Variants in FOXO1 observed in about 807,000 individuals in gnomAD.
FOXO1 encodes forkhead box O1.
A neutral mutation model predicts 44.1 loss-of-function variants in FOXO1; 6 were observed. The observed-to-expected ratio is 0.14, with a 90% CI of 0.07 to 0.27. The LOEUF is 0.27. Among genes scored for constraint, FOXO1 ranks in the 10% least tolerant of loss-of-function variants. FOXO1 has a pLI of 1.00. For missense variants in FOXO1, 737 were observed against 888.8 expected, an observed-to-expected ratio of 0.83 and a Z score of 2.17; for synonymous variants, 380 against 362.7, an observed-to-expected ratio of 1.05 and a Z score of -0.54.
At chr13:40,619,619 C>T in intron 1 of FOXO1, 4 of 1,541,032 alleles carry the variant, frequency 2.6e-6, no homozygotes, top group Non-Finnish European at 3.6e-6. Flanking sequence ...TCATCTAGTC[C>T]TGTGGCTAGG....
chr13:40,639,072 T>C (rs1007452614), intron 1 of FOXO1, among the ~76,000 whole-genome samples: 26 of 152,074 alleles, frequency 1.7e-4, no homozygotes, highest in African/African-American at 6.3e-4. Flanking sequence ...TGCGTGCCTG[T>C]AATCCCAGCT....
intron 1 of FOXO1, among the ~76,000 whole-genome samples, chr13:40,603,292 A>T (rs1227002462): frequency 6.7e-6 from 1 of 150,204 alleles, no homozygotes; most frequent in African/African-American, 2.5e-5. Flanking sequence ...TTAGGTGGAA[A>T]GGTGTTATCC....
chr13:40,611,641 T>C (rs1377321948), intron 1 of FOXO1, among the ~76,000 whole-genome samples: 2 of 152,182 alleles, frequency 1.3e-5, no homozygotes, highest in Admixed American at 6.5e-5. Flanking sequence ...ATGGATGGCA[T>C]GATAGGGAAA....
chr13:40,606,815 G>C (rs979585594), intron 1 of FOXO1, among the ~76,000 whole-genome samples: 1 of 152,098 alleles, frequency 6.6e-6, no homozygotes, highest in Non-Finnish European at 1.5e-5. Context: ...GCAGGTCCCT[G>C]CAACTCCCAC....
intron 1 of FOXO1, chr13:40,621,395 T>C (rs939429539): frequency 5.4e-5 from 17 of 315,846 alleles, no homozygotes; most frequent in Middle Eastern, 4.0e-4. Flanking sequence ...TAGAACTGAA[T>C]GTTCAAGCAT....
chr13:40,578,762 T>A (rs983752395), intron 1 of FOXO1, among the ~76,000 whole-genome samples: 1 of 152,170 alleles, frequency 6.6e-6, no homozygotes, highest in African/African-American at 2.4e-5. Context: ...AACTGTACAG[T>A]TTTTTAGAGC....
At chr13:40,595,144 G>A (rs534325598) in intron 1 of FOXO1, among the ~76,000 whole-genome samples, 5 of 152,298 alleles carry the variant, frequency 3.3e-5, no homozygotes, top group South Asian at 2.1e-4. Flanking sequence ...GAGATGGAGC[G>A]ATTAGGAGGT....
chr13:40,635,329 C>T (rs994289276), intron 1 of FOXO1, among the ~76,000 whole-genome samples: 2 of 152,042 alleles, frequency 1.3e-5, no homozygotes, highest in African/African-American at 4.8e-5. Flanking sequence ...TGTAATTCTG[C>T]AGCATCACAG....
At position 40,557,376 on chromosome 13, in the gene FOXO1, T is replaced by G. The variant is rs896306993; in HGVS notation, c.*1673A>C. 2.6e-5 allele frequency: 4 copies of G among 152,218 alleles called. No homozygotes were observed. The highest frequency in any genetic ancestry group is 2.9e-5 in the Non-Finnish European group (2 of 68,028). 9.4% of individuals were successfully genotyped at this position (152,218 alleles called of 1,614,324 possible). A position where few individuals can be genotyped will look rare whatever the true frequency, so the allele number is the denominator to read the frequency against. On this transcript the variant is annotated 3_prime_UTR_variant, in exon 3 of 3. Coordinates refer to ENST00000379561, the MANE Select transcript of FOXO1 (RefSeq NM_002015.4). Reference sequence around the variant, plus strand: ...AAGTAATAAAACATAATGATAGGAATTACAGTTTAGGTTGCTACAGGCTAA... The same window carrying G: ...AAGTAATAAAACATAATGATAGGAAGTACAGTTTAGGTTGCTACAGGCTAA...
At chr13:40,623,231 T>A (rs1309796005) in intron 1 of FOXO1, among the ~76,000 whole-genome samples, 1 of 152,150 alleles carries the variant, frequency 6.6e-6, no homozygotes. Context: ...CCATAAAACA[T>A]TTATCCCTTG....
rs566694615 is a variant in FOXO1 at position 40,556,327 on chromosome 13, C to T, written c.*2722G>A. ...ACTTTGTCAGTTTGTCAAAGCAGAA[C>T]TTTCCAAGTAATACATCTATTACCT... On this transcript the variant is annotated 3_prime_UTR_variant, in exon 3 of 3. Transcript: ENST00000379561. The T allele has an allele frequency of 1.3e-5, 2 of 152,746 alleles. No homozygotes were observed. The highest frequency in any genetic ancestry group is 3.9e-4 in the East Asian group (2 of 5,188). 9.5% of individuals were successfully genotyped at this position (152,746 alleles called of 1,614,324 possible).
intron 1 of FOXO1, chr13:40,619,884 T>C: frequency 1.4e-6 from 1 of 719,890 alleles, no homozygotes. Flanking sequence ...CAGCACATGT[T>C]TGGGAAAATG....
chr13:40,562,217 A>G (rs761154025), intron 1 of FOXO1, among the ~76,000 whole-genome samples: 1 of 152,172 alleles, frequency 6.6e-6, no homozygotes, highest in Non-Finnish European at 1.5e-5. Context: ...ACACACCTCC[A>G]CGTAGCCAGG....
At chr13:40,616,281 A>G (rs1361140178) in intron 1 of FOXO1, among the ~76,000 whole-genome samples, 1 of 150,842 alleles carries the variant, frequency 6.6e-6, no homozygotes, top group Admixed American at 6.6e-5. Context: ...TTTTTAAATG[A>G]AAAAAAAAAT....
chr13:40,575,012 T>C (rs1874689363), intron 1 of FOXO1, among the ~76,000 whole-genome samples: 1 of 152,154 alleles, frequency 6.6e-6, no homozygotes, highest in African/African-American at 2.4e-5. Flanking sequence ...ATGAAGTCTC[T>C]GACAGAAATA....
intron 1 of FOXO1, among the ~76,000 whole-genome samples, chr13:40,588,091 T>C (rs112731125): frequency 7.0e-4 from 106 of 152,284 alleles, no homozygotes; most frequent in African/African-American, 2.5e-3. Flanking sequence ...AAGGATTCAA[T>C]TCAATTAACA....
chr13:40,559,025 T>C lies in FOXO1; in HGVS notation c.*24A>G. Reference sequence around the variant, plus strand: ...GCTGTCAGACAATCTGAAGTACTTTTAAGTGTAACCTAGGAAAAAACACAT... The same window carrying C: ...GCTGTCAGACAATCTGAAGTACTTTCAAGTGTAACCTAGGAAAAAACACAT... On this transcript the variant is annotated 3_prime_UTR_variant, in exon 3 of 3. Transcript: ENST00000379561. 1 of 398,542 alleles carries C rather than the reference T, an allele frequency of 2.5e-6. No individual in the cohort carries two copies. 24.7% of individuals were successfully genotyped at this position (398,542 alleles called of 1,614,324 possible).
At chr13:40,572,404 G>A (rs1874564872) in intron 1 of FOXO1, among the ~76,000 whole-genome samples, 1 of 121,404 alleles carries the variant, frequency 8.2e-6, no homozygotes, top group Non-Finnish European at 1.6e-5. Flanking sequence ...AGATTTATGT[G>A]TTTTTTCTAT....
intron 1 of FOXO1, among the ~76,000 whole-genome samples, chr13:40,609,911 G>A (rs1488025711): frequency 6.6e-6 from 1 of 152,066 alleles, no homozygotes; most frequent in African/African-American, 2.4e-5. Context: ...GAAATCGGAT[G>A]CCTTCACATT....
Sources: gnomAD v4.1 joint callset for allele counts (sites outside exome capture counted in the v4.1 genomes callset) on GRCh38, gnomAD v4.1.1 for gene constraint, MANE v1.5 for transcripts, NCBI Gene and HGNC (gene_info 2026-07-23, HGNC 2026-07-21) for gene names.